NFIB: variants seen among roughly 807,000 people sequenced by gnomAD.
The protein encoded by NFIB is nuclear factor 1 B-type.
NFIB carries 11 observed loss-of-function variants against 61.5 expected under a neutral mutation model. The ratio of observed to expected loss-of-function variants is 0.18; its 90% CI spans 0.11 to 0.30. The LOEUF (loss-of-function observed/expected upper bound fraction) is 0.30. NFIB is among the 10% of genes least tolerant of loss of function. The pLI is 1.00. For missense variants in NFIB, 471 were observed against 608.9 expected (o/e 0.77, Z 2.38); for synonymous variants, 260 against 216.5 (o/e 1.20, Z -1.76).
At chr9:14,287,645 C>A (rs1305299332) in intron 2 of NFIB, among the ~76,000 whole-genome samples, 1 of 151,734 alleles carries the variant, frequency 6.6e-6, no homozygotes, top group African/African-American at 2.4e-5. Context: ...TGGTCTTGAA[C>A]TACTGACCTC....
At chr9:14,263,513 G>A (rs567736782) in intron 2 of NFIB, among the ~76,000 whole-genome samples, 2 of 152,264 alleles carry the variant, frequency 1.3e-5, no homozygotes, top group East Asian at 3.9e-4. Flanking sequence ...TTAAAAAGAT[G>A]CGAAGTGGAG....
chr9:14,141,761 T>G (rs904305404), intron 6 of NFIB, among the ~76,000 whole-genome samples: 1 of 151,742 alleles, frequency 6.6e-6, no homozygotes, highest in African/African-American at 2.4e-5. Flanking sequence ...GATTACAGGT[T>G]GTTTAAATAC....
At chr9:14,423,318 C>A in the NFIB span, among the ~76,000 whole-genome samples, 1 of 152,180 alleles carries the variant, frequency 6.6e-6, no homozygotes, top group South Asian at 2.1e-4. Flanking sequence ...GAACTCCTTG[C>A]TGTTTTCCTG....
At chr9:14,106,200 T>C (rs1268591346) in intron 10 of NFIB, among the ~76,000 whole-genome samples, 1 of 152,126 alleles carries the variant, frequency 6.6e-6, no homozygotes, top group Non-Finnish European at 1.5e-5. Context: ...TTGTCTGTTT[T>C]CATGTGGAGG....
At position 14,391,785 on chromosome 9, in the gene NFIB, A is replaced by G. The variant is rs118030550; in HGVS notation, c.108+6739T>C. Among the ~76,000 whole-genome samples the G allele has an allele frequency of 7.1e-3, 1,076 of 152,306 alleles. 8 individuals are homozygous for G. Among genetic ancestry groups the G allele is most frequent in the Non-Finnish European group, 0.012 (793 of 68,032 alleles). On this transcript the variant is annotated intron_variant, in intron 1 of 8. Transcript: ENST00000380934. ...TATAAAACCCCAAGTCCAGGGCTGA[A>G]CAGGACACTGAGAACTCTCAAGTTG... is the stretch of plus-strand genomic sequence containing the variant.
intron 2 of NFIB, among the ~76,000 whole-genome samples, chr9:14,238,304 C>T (rs956469620): frequency 1.3e-5 from 2 of 152,036 alleles, no homozygotes; most frequent in African/African-American, 4.8e-5. Flanking sequence ...AGGCAAGGGT[C>T]AGATCACACA....
the NFIB span, among the ~76,000 whole-genome samples, chr9:14,451,635 T>A: frequency 2.0e-5 from 3 of 152,240 alleles, no homozygotes; most frequent in Non-Finnish European, 4.4e-5. Flanking sequence ...AAGTATCCAG[T>A]TGCCACATAC....
chr9:14,397,513 A>G (rs1446833502), intron 1 of NFIB, among the ~76,000 whole-genome samples: 1 of 152,002 alleles, frequency 6.6e-6, no homozygotes, highest in Non-Finnish European at 1.5e-5. Flanking sequence ...GGTAAAGAAT[A>G]AAAGTATCCC....
At chr9:14,097,234 T>A (rs960120496) in intron 10 of NFIB, among the ~76,000 whole-genome samples, 3 of 152,114 alleles carry the variant, frequency 2.0e-5, no homozygotes, top group Non-Finnish European at 4.4e-5. Flanking sequence ...CATGTGAAAT[T>A]TTGGTTTTTG....
intron 2 of NFIB, among the ~76,000 whole-genome samples, chr9:14,234,269 A>G (rs1317835543): frequency 4.6e-5 from 7 of 152,376 alleles, no homozygotes; most frequent in South Asian, 2.1e-4. Flanking sequence ...TAAAAGTACT[A>G]GAACAAAAAT....
At chr9:14,130,894 GA>G (rs1416466644) in intron 6 of NFIB, among the ~76,000 whole-genome samples, 1 of 152,158 alleles carries the variant, frequency 6.6e-6, no homozygotes, top group Non-Finnish European at 1.5e-5. Flanking sequence ...GTAAAGCAAA[GA>G]GAAAAGAAAA....
chr9:14,201,361 T>C (rs1034430911), intron 2 of NFIB, among the ~76,000 whole-genome samples: 2 of 152,094 alleles, frequency 1.3e-5, no homozygotes, highest in African/African-American at 4.8e-5. Context: ...ACCCTCCCCC[T>C]CACACCCACA....
chr9:14,464,301 G>A, the NFIB span, among the ~76,000 whole-genome samples: 1 of 152,302 alleles, frequency 6.6e-6, no homozygotes, highest in East Asian at 1.9e-4. Flanking sequence ...AGCTTATCGT[G>A]CAGGTAATGA....
At chr9:14,187,952 C>T (rs549285280) in intron 2 of NFIB, among the ~76,000 whole-genome samples, 8 of 152,304 alleles carry the variant, frequency 5.3e-5, no homozygotes, top group South Asian at 2.1e-4. Flanking sequence ...ACCCACCCCC[C>T]ACAACAATGG....
chr9:14,294,404 A>G (rs960630474), intron 2 of NFIB, among the ~76,000 whole-genome samples: 1 of 152,248 alleles, frequency 6.6e-6, no homozygotes, highest in East Asian at 1.9e-4. Flanking sequence ...TCAACTTTAA[A>G]TCATAAGTGT....
At chr9:14,209,497 G>A (rs549964655) in intron 2 of NFIB, among the ~76,000 whole-genome samples, 1 of 152,314 alleles carries the variant, frequency 6.6e-6, no homozygotes, top group African/African-American at 2.4e-5. Context: ...GTTTCTTAAA[G>A]GTTTTGGCAG....
At chr9:14,351,418 G>A (rs12338340) in intron 1 of NFIB, among the ~76,000 whole-genome samples, 9,047 of 152,196 alleles carry the variant, frequency 0.059, 399 homozygotes, top group African/African-American at 0.12. Flanking sequence ...GGCTGTGTCC[G>A]GGCCAGGGAT....
intron 10 of NFIB, among the ~76,000 whole-genome samples, chr9:14,112,255 T>C (rs1193646031): frequency 1.3e-5 from 2 of 152,336 alleles, no homozygotes; most frequent in South Asian, 2.1e-4. Context: ...ACGTCTCTTA[T>C]CCTGTAACTA....
At chr9:14,457,852 C>T in the NFIB span, among the ~76,000 whole-genome samples, 1 of 152,252 alleles carries the variant, frequency 6.6e-6, no homozygotes. Context: ...CAATAACAGG[C>T]TCTGGCATTG....
Sources: gnomAD v4.1 joint callset for allele counts (sites outside exome capture counted in the v4.1 genomes callset) on GRCh38, gnomAD v4.1.1 for gene constraint, MANE v1.5 for transcripts, NCBI Gene and HGNC (gene_info 2026-07-23, HGNC 2026-07-21) for gene names.